Variants in KIF3A observed in about 807,000 individuals in gnomAD.
The protein encoded by KIF3A is kinesin-like protein KIF3A.
In KIF3A, 27 loss-of-function variants were observed where a neutral mutation model predicts 92.6. The observed-to-expected ratio is 0.29, with a 90% confidence interval of 0.21 to 0.40. The LOEUF is 0.40. Ranked by LOEUF, KIF3A falls within the 10% of genes least tolerant of loss-of-function variation. The pLI, the probability that KIF3A is intolerant of heterozygous loss-of-function variation, is 1.00. For synonymous variants in KIF3A, 250 were observed against 275.4 expected (o/e 0.91, Z 0.92); for missense variants, 581 against 872.6 (o/e 0.67, Z 4.21).
At chr5:132,690,172 C>T (rs997986530), downstream of KIF3A, among the ~76,000 whole-genome samples, 2 of 152,068 alleles carry the variant, frequency 1.3e-5, no homozygotes, top group African/African-American at 4.8e-5. Flanking sequence ...GCTGAGATTG[C>T]GCCACTGCAC....
chr5:132,714,407 T>C (rs905685911), intron 8 of KIF3A, among the ~76,000 whole-genome samples: 1 of 152,210 alleles, frequency 6.6e-6, no homozygotes, highest in Non-Finnish European at 1.5e-5. Context: ...GTGATTAAAA[T>C]GGTAAACTTT....
intron 8 of KIF3A, among the ~76,000 whole-genome samples, chr5:132,713,889 CT>C (rs34191042): frequency 0.014 from 1,163 of 83,756 alleles, 2 homozygotes; most frequent in African/African-American, 0.048. Context: ...ATTTCACTTT[CT>C]TTTTTTTTTT....
chr5:132,729,663 A>G (rs970764259), intron 2 of KIF3A, among the ~76,000 whole-genome samples: 6 of 152,228 alleles, frequency 3.9e-5, no homozygotes, highest in African/African-American at 1.4e-4. Context: ...AGGATCAAAG[A>G]ATAAATCAGG....
intron 5 of KIF3A, among the ~76,000 whole-genome samples, chr5:132,720,183 T>C (rs952629268): frequency 6.6e-6 from 1 of 152,236 alleles, no homozygotes; most frequent in African/African-American, 2.4e-5. Context: ...TTAGTAGTTA[T>C]AGTACTTAGA....
intron 8 of KIF3A, among the ~76,000 whole-genome samples, chr5:132,714,842 T>C (rs902417142): frequency 6.6e-6 from 1 of 152,178 alleles, no homozygotes; most frequent in African/African-American, 2.4e-5. Context: ...AAAATAAAAG[T>C]ATGCACTCAC....
At chr5:132,710,603 G>A (rs925772200) in intron 9 of KIF3A, among the ~76,000 whole-genome samples, 3 of 152,168 alleles carry the variant, frequency 2.0e-5, no homozygotes, top group Non-Finnish European at 2.9e-5. Flanking sequence ...GCGACAGAAT[G>A]AGACTCCGTC....
At chr5:132,700,481 T>C in intron 16 of KIF3A, 166 bp downstream of exon 16, 1 of 654,178 alleles carries the variant, frequency 1.5e-6, no homozygotes, top group Non-Finnish European at 2.7e-6. Context: ...ATGATCTGTA[T>C]GTTACAATTA....
At chr5:132,708,055 G>A (rs544625626) in intron 10 of KIF3A, among the ~76,000 whole-genome samples, 9 of 152,080 alleles carry the variant, frequency 5.9e-5, no homozygotes, top group Middle Eastern at 3.4e-3. Context: ...AGGCCGAGGC[G>A]GGCAGATCAT....
chr5:132,702,083 T>C lies in KIF3A; in HGVS notation c.1884+4A>G. The C allele has an allele frequency of 6.2e-7, 1 of 1,606,722 alleles. No homozygotes were observed. The highest frequency in any genetic ancestry group is 8.5e-7 in the Non-Finnish European group (1 of 1,174,786). On this transcript the variant is annotated splice_donor_region_variant and intron_variant, in intron 15 of 18. Coordinates refer to ENST00000403231, the MANE Select transcript of KIF3A (RefSeq NM_001300791.2). ...CTATCTCGGTCAGAGAACTTCCTTT[T>C]TACCTGATAATCCCGAGGTATAAAG...
chr5:132,698,223 T>C (rs897490207), intron 18 of KIF3A, among the ~76,000 whole-genome samples: 4 of 151,968 alleles, frequency 2.6e-5, no homozygotes, highest in East Asian at 3.8e-4. Flanking sequence ...GCACTCAAAG[T>C]AGGGAAAAAA....
At position 132,734,237 on chromosome 5, in the gene KIF3A, G is replaced by T; in HGVS notation, c.248C>A (p.Pro83His). The T allele has an allele frequency of 6.2e-7, 1 of 1,613,598 alleles. No individual in the cohort carries two copies. The highest frequency in any genetic ancestry group is 8.5e-7 in the Non-Finnish European group (1 of 1,179,702). Reference protein sequence around the residue: ...QLDVYNLTARPIIDSVLEGYN... With the variant: ...QLDVYNLTARHIIDSVLEGYN... ...GCCTTCAAGTACAGAATCAATAATAGGTCTTGCAGTTAAGTTATAAACATC... is the reference window on the plus strand; with the variant it reads ...GCCTTCAAGTACAGAATCAATAATATGTCTTGCAGTTAAGTTATAAACATC... The change falls in exon 2 of 19, where the codon CCT becomes CAT. Residue 83 changes from proline to histidine, a missense_variant. By Grantham distance (77) the Pro-to-His change is moderately conservative. This residue lies in a region of KIF3A where 217 missense variants were observed against 299.7 expected (regional missense o/e 0.72). Transcript: ENST00000403231.
At chr5:132,690,306 G>C (rs1398034128), downstream of KIF3A, among the ~76,000 whole-genome samples, 2 of 152,138 alleles carry the variant, frequency 1.3e-5, no homozygotes, top group African/African-American at 4.8e-5. Context: ...CAGAAGGATT[G>C]CTTGAACCCA....
At chr5:132,728,325 C>T (rs1316085063) in intron 2 of KIF3A, among the ~76,000 whole-genome samples, 2 of 152,116 alleles carry the variant, frequency 1.3e-5, no homozygotes, top group Admixed American at 1.3e-4. Context: ...GCCTGTAATC[C>T]ACCTGTAAAT....
chr5:132,726,330 G>A, intron 3 of KIF3A, 24 bp downstream of exon 3: 1 of 1,610,542 alleles, frequency 6.2e-7, no homozygotes, highest in Middle Eastern at 1.7e-4. Flanking sequence ...CTCAATATCA[G>A]AAAATAAAAG....
intron 4 of KIF3A, among the ~76,000 whole-genome samples, chr5:132,724,310 G>T (rs1260144412): frequency 1.3e-5 from 2 of 152,058 alleles, no homozygotes; most frequent in African/African-American, 4.8e-5. Flanking sequence ...TATATCCAAA[G>T]GAATATAAAT....
In KIF3A at chr5:132,708,970, T is replaced by C; in HGVS notation, c.1237A>G (p.Ser413Gly). Residue 413 changes from serine (S) to glycine (G), a missense_variant, in exon 10 of 19, where the codon AGC (serine) becomes GGC (glycine). By Grantham distance (56) the Ser-to-Gly change is moderately conservative. Transcript: ENST00000403231. ...EKRKKRRGSSSSSSSDSTCSV... is the reference protein window; with the variant it reads ...EKRKKRRGSSGSSSSDSTCSV... The stretch of plus-strand genomic sequence containing the variant: ...CATGTGGAGTCTGAACTACTGCTGC[T>C]GCTACTGCCTGGAAAACAAAGAAAT... 1 of 1,549,914 alleles carries C rather than the reference T, an allele frequency of 6.5e-7. No homozygotes were observed. Among genetic ancestry groups the C allele is most frequent in the Non-Finnish European group, 8.7e-7 (1 of 1,146,456 alleles).
intron 15 of KIF3A, among the ~76,000 whole-genome samples, chr5:132,701,569 TA>T (rs923946358): frequency 1.3e-5 from 2 of 150,510 alleles, no homozygotes; most frequent in Admixed American, 6.6e-5. Context: ...AATTTTGGAT[TA>T]AAAAAAATAG....
In KIF3A at chr5:132,702,183, C is replaced by T; in HGVS notation, c.1788G>A (p.Arg596=). 3 of 1,613,646 alleles carry T rather than the reference C, an allele frequency of 1.9e-6. No homozygotes were observed. Among genetic ancestry groups the T allele is most frequent in the Non-Finnish European group, 2.5e-6 (3 of 1,179,674 alleles). Residue 596 remains arginine, a synonymous_variant, in exon 15 of 19, where the codon AGG becomes AGA. Transcript: ENST00000403231. ...TGTTCTCCAGTAGGCCTTCAATTTC[C>T]CTCTGATGTTCTTGTTGGAGATCAG... ...EMADLQQEHQ[R]EIEGLLENIR... is the part of the protein sequence containing the mutation.
At chr5:132,712,637 T>C (rs1477644700) in intron 8 of KIF3A, among the ~76,000 whole-genome samples, 1 of 152,166 alleles carries the variant, frequency 6.6e-6, no homozygotes, top group Admixed American at 6.5e-5. Context: ...AACAGGACCT[T>C]TGCAGTCTCA....
Sources: allele counts gnomAD v4.1 joint callset (sites outside exome capture counted in the v4.1 genomes callset), GRCh38; gene constraint gnomAD v4.1.1; regional missense constraint gnomAD v4.1.1; transcripts MANE v1.5; gene names NCBI Gene and HGNC (gene_info 2026-07-23, HGNC 2026-07-21).